The following SYNE1 variants were observed in gnomAD, a reference collection of about 807,000 sequenced individuals.
SYNE1 encodes the protein nesprin-1.
SYNE1 carries 616 observed loss-of-function variants against 1,111.0 expected under a neutral mutation model. That is an observed-to-expected ratio of 0.55 (90% confidence interval 0.52 to 0.59). The LOEUF (loss-of-function observed/expected upper bound fraction) is 0.59, where lower values mean the gene tolerates loss of function less well. Among genes scored for constraint, SYNE1 ranks in the 20% least tolerant of loss-of-function variants. SYNE1 has a pLI of 0.00. For missense variants in SYNE1, 10,006 were observed against 10,417.0 expected (o/e 0.96, Z 1.72); for synonymous variants, 3,855 against 3,825.8 (o/e 1.01, Z -0.28).
Position 152,465,375 on chromosome 6 carries a change from C to A in SYNE1, c.1815G>T (p.Arg605Ser). ...RNLSVEVRSV[R>S]SMLEEVISNW... is the part of the protein sequence containing the mutation. The stretch of plus-strand genomic sequence containing the variant: ...TAGAGATCACTTCTTCCAGCATGCT[C>A]CTCACACTCCTCACTTCTACTGAGA... The change falls in exon 18 of 146, where the codon AGG becomes AGT. Residue 605 changes from arginine to serine, a missense_variant. Arg to Ser is a moderately radical substitution (Grantham distance 110). Coordinates refer to ENST00000367255, the MANE Select transcript of SYNE1 (RefSeq NM_182961.4). 6.2e-7 allele frequency: 1 copy of A among 1,613,828 alleles called. No individual in the cohort carries two copies. Among genetic ancestry groups the A allele is most frequent in the Non-Finnish European group, 8.5e-7 (1 of 1,179,860 alleles).
intron 53 of SYNE1, among the ~76,000 whole-genome samples, chr6:152,388,774 C>G (rs1409959028): frequency 2.0e-5 from 3 of 152,182 alleles, no homozygotes; most frequent in Non-Finnish European, 2.9e-5. Context: ...ATGTCACTGT[C>G]AAATTTAATT....
chr6:152,430,373 C>T (rs2098417891), intron 35 of SYNE1, 109 bp downstream of exon 35: 2 of 1,194,452 alleles, frequency 1.7e-6, no homozygotes, highest in East Asian at 2.4e-5. Flanking sequence ...CCCATTATTT[C>T]ACAAATTATG....
intron 3 of SYNE1, among the ~76,000 whole-genome samples, chr6:152,610,073 C>G (rs1200563449): frequency 6.6e-6 from 1 of 152,152 alleles, no homozygotes; most frequent in African/African-American, 2.4e-5. Flanking sequence ...TTCTAAACAC[C>G]AGAGTGCCTC....
intron 27 of SYNE1, among the ~76,000 whole-genome samples, chr6:152,450,040 T>C (rs2098634512): frequency 6.6e-6 from 1 of 152,204 alleles, no homozygotes; most frequent in Admixed American, 6.5e-5. Context: ...AATCTCATCT[T>C]GAATTGTAGT....
intron 108 of SYNE1, 89 bp from the exon 109 acceptor site, chr6:152,237,037 C>A: frequency 6.5e-7 from 1 of 1,532,238 alleles, no homozygotes; most frequent in Non-Finnish European, 8.8e-7. Flanking sequence ...GCCTGACAGT[C>A]TCTCCTTAAA....
intron 133 of SYNE1, 108 bp downstream of exon 133, chr6:152,154,784 T>C: frequency 7.9e-7 from 1 of 1,273,250 alleles, no homozygotes; most frequent in Non-Finnish European, 1.1e-6. Flanking sequence ...CGCAGCAATT[T>C]GAGCAGATAA....
intron 108 of SYNE1, among the ~76,000 whole-genome samples, chr6:152,238,353 A>G (rs1028790030): frequency 2.6e-5 from 4 of 152,186 alleles, no homozygotes; most frequent in African/African-American, 9.7e-5. Flanking sequence ...TGAAACAGGG[A>G]TTCAAAATTC....
At chr6:152,194,349 T>A (rs1341560002) in intron 127 of SYNE1, among the ~76,000 whole-genome samples, 1 of 152,196 alleles carries the variant, frequency 6.6e-6, no homozygotes, top group Non-Finnish European at 1.5e-5. Context: ...TTCGGTAAGG[T>A]TTCCACTGAA....
At chr6:152,318,313 C>T (rs938598886) in intron 85 of SYNE1, 50 bp from the exon 86 acceptor site, 3 of 1,604,392 alleles carry the variant, frequency 1.9e-6, no homozygotes. Context: ...AAATAAATTT[C>T]TCCAGGTTTC....
rs562204746 is a variant in SYNE1 at position 152,237,489 on chromosome 6, T to A, written c.20068-541A>T. Among the ~76,000 whole-genome samples, 3 of 151,020 alleles carry A rather than the reference T, an allele frequency of 2.0e-5. No homozygotes were observed. In the East Asian group the frequency reaches 5.8e-4, roughly 29 times the overall value. On this transcript the variant is annotated intron_variant, in intron 108 of 145. Transcript: ENST00000367255. ...CACACCAGGCTAACTTAAAAAAAAT[T>A]TTTTTGTAGAGATGGGGGTCTCACT...
chr6:152,309,618 A>G (rs1240583563), intron 90 of SYNE1, among the ~76,000 whole-genome samples: 1 of 152,232 alleles, frequency 6.6e-6, no homozygotes, highest in Non-Finnish European at 1.5e-5. Context: ...TCACTAAAAG[A>G]TAATTTTCAC....
intron 140 of SYNE1, among the ~76,000 whole-genome samples, chr6:152,137,226 G>T (rs1018969185): frequency 6.6e-6 from 1 of 152,158 alleles, no homozygotes; most frequent in African/African-American, 2.4e-5. Context: ...GGGGGTGCAG[G>T]GGGGAGGAAT....
At chr6:152,553,335 G>A (rs1317539844) in intron 3 of SYNE1, among the ~76,000 whole-genome samples, 1 of 152,132 alleles carries the variant, frequency 6.6e-6, no homozygotes, top group Non-Finnish European at 1.5e-5. Context: ...CTGGAGATAG[G>A]CAATGTAGAC....
intron 127 of SYNE1, among the ~76,000 whole-genome samples, chr6:152,197,502 C>T (rs2074409382): frequency 6.6e-6 from 1 of 152,206 alleles, no homozygotes; most frequent in South Asian, 2.1e-4. Context: ...AATAATAAGA[C>T]TTGGAAGTTG....
chr6:152,319,015 T>A lies in SYNE1; in HGVS notation c.16237A>T (p.Ile5413Phe). The A allele has an allele frequency of 3.1e-6, 5 of 1,613,962 alleles. No homozygotes were observed. Among genetic ancestry groups the A allele is most frequent in the Non-Finnish European group, 3.4e-6 (4 of 1,179,980 alleles). Residue 5413 changes from isoleucine to phenylalanine, a missense_variant and splice_region_variant, in exon 85 of 146, where the codon ATC becomes TTC. By Grantham distance (21) the Ile-to-Phe change is conservative. Transcript: ENST00000367255. ...TCAACTTCTTTTATTTTGTCTTGGATCTAAAAAAATCAGTAAGAACAGCAA... is the reference window on the plus strand; with the variant it reads ...TCAACTTCTTTTATTTTGTCTTGGAACTAAAAAAATCAGTAAGAACAGCAA... ...VALDLKIRDQ[I>F]QDKIKEVEQS... is the part of the protein sequence containing the mutation.
At chr6:152,295,704 A>C (rs904655156) in intron 93 of SYNE1, among the ~76,000 whole-genome samples, 1 of 152,054 alleles carries the variant, frequency 6.6e-6, no homozygotes, top group African/African-American at 2.4e-5. Flanking sequence ...GCAACTTCTC[A>C]AATTTTCAAA....
Position 152,451,359 on chromosome 6 carries a change from T to C in SYNE1, c.3028-154A>G, listed in dbSNP as rs9397105. Among the ~76,000 whole-genome samples, 15,981 of 151,728 alleles carry C rather than the reference T, an allele frequency of 0.11. 1,285 individuals carry two copies. Among genetic ancestry groups the C allele is most frequent in the East Asian group, 0.43 (2,206 of 5,146 alleles). Reference sequence around the variant, plus strand: ...TACTTTCCACACCTGGTCTCTCTACTTTGTATTTTTCCAAGTACCAGGACC... The same window carrying C: ...TACTTTCCACACCTGGTCTCTCTACCTTGTATTTTTCCAAGTACCAGGACC... On this transcript the variant is annotated intron_variant, in intron 25 of 145. Transcript: ENST00000367255.
chr6:152,160,533 T>C (rs111543794), intron 131 of SYNE1, among the ~76,000 whole-genome samples: 1,771 of 152,296 alleles, frequency 0.012, 20 homozygotes, highest in Middle Eastern at 0.027. Context: ...TTTCCCCTCT[T>C]GCTTTAGTGC....
At position 152,396,846 on chromosome 6, in the gene SYNE1, C is replaced by T. The variant is rs901474571; in HGVS notation, c.7485G>A (p.Glu2495=). The change falls in exon 50 of 146, where the codon GAG becomes GAA. Residue 2495 remains glutamate, a synonymous_variant. Transcript: ENST00000367255. ...GGCATTGTTTCAGAAATGCTTGAAACTCTTCATTGGCCTTTGTGATTTGTT... is the reference window on the plus strand; with the variant it reads ...GGCATTGTTTCAGAAATGCTTGAAATTCTTCATTGGCCTTTGTGATTTGTT... ...IQEQITKANE[E]FQAFLKQCLK... 4.3e-6 allele frequency: 7 copies of T among 1,612,584 alleles called. No individual in the cohort carries two copies. The African/African-American group carries it at 9.3e-5, about 22-fold the overall frequency.
Sources: allele counts gnomAD v4.1 joint callset (sites outside exome capture counted in the v4.1 genomes callset), GRCh38; gene constraint gnomAD v4.1.1; transcripts MANE v1.5; gene names NCBI Gene and HGNC (gene_info 2026-07-23, HGNC 2026-07-21).